ATP7B: variants seen among roughly 807,000 people sequenced by gnomAD.
The protein encoded by ATP7B is copper-transporting ATPase 2.
A neutral mutation model predicts 118.9 loss-of-function variants in ATP7B; 113 were observed. The observed-to-expected ratio is 0.95, with a 90% CI of 0.82 to 1.11. ATP7B has a LOEUF of 1.11. Ranked by LOEUF, ATP7B falls within the 50% of genes most tolerant of loss-of-function variation. ATP7B has a pLI of 0.00. For synonymous variants in ATP7B, 777 were observed against 727.4 expected (o/e 1.07, Z -1.10); for missense variants, 1,867 against 1,871.4 (o/e 1.00, Z 0.04).
chr13:51,993,220 C>T (rs963344533), intron 1 of ATP7B, among the ~76,000 whole-genome samples: 2 of 151,924 alleles, frequency 1.3e-5, no homozygotes, highest in Non-Finnish European at 2.9e-5. Context: ...CTCGTTCCAT[C>T]GTAAATTTGT....
upstream of ATP7B, among the ~76,000 whole-genome samples, chr13:52,011,855 G>T (rs533775697): frequency 2.6e-4 from 39 of 152,372 alleles, 1 homozygote; most frequent in South Asian, 7.4e-3. Context: ...GCGCAGAGCC[G>T]GGCCGCAGAC....
intron 1 of ATP7B, among the ~76,000 whole-genome samples, chr13:52,008,042 T>C (rs562534804): frequency 5.3e-4 from 81 of 151,736 alleles, no homozygotes; most frequent in South Asian, 5.2e-3. Context: ...ATCCACTGCA[T>C]TGGTTAAAAA....
At chr13:51,956,853 T>C (rs9526812) in intron 9 of ATP7B, among the ~76,000 whole-genome samples, 55,291 of 151,922 alleles carry the variant, frequency 0.36, 11,547 homozygotes, top group Non-Finnish European at 0.48. Context: ...GTTAAGAAAA[T>C]AGACTCTGGA....
chr13:51,989,088 G>A (rs542288988), intron 1 of ATP7B, among the ~76,000 whole-genome samples: 1 of 152,042 alleles, frequency 6.6e-6, no homozygotes, highest in East Asian at 1.9e-4. Flanking sequence ...ATACATGTTT[G>A]AAAACAAATG....
chr13:51,967,184 A>G (rs963340932), intron 4 of ATP7B: 6 of 1,471,046 alleles, frequency 4.1e-6, no homozygotes, highest in Non-Finnish European at 5.6e-6. Context: ...GAGTTAACTA[A>G]GAGAATGACC....
In ATP7B at chr13:51,958,460, C is replaced by T; in HGVS notation, c.2206G>A (p.Ala736Thr). Residue 736 changes from alanine (A) to threonine (T), a missense_variant, in exon 8 of 21, where the codon GCC becomes ACC. By Grantham distance (58) the Ala-to-Thr change is moderately conservative. Transcript: ENST00000242839. ...GAATAAACATAAGCAATGCTTGTGG[C>T]CAGGACGATGAGCACGTCCATGTTG... The part of the protein sequence containing the change: ...SANMDVLIVL[A>T]TSIAYVYSLV... 6.2e-7 allele frequency: 1 copy of T among 1,614,222 alleles called. No individual in the cohort carries two copies.
rs200582826 is a variant in ATP7B at position 51,935,679 on chromosome 13, G to A, written c.4038C>T (p.Ile1346=). ...CCATCCAGGGCTGCAGCACAATGCCGATGGGCATGAAGACACCTGGGGAAG... is the reference window on the plus strand; with the variant it reads ...CCATCCAGGGCTGCAGCACAATGCCAATGGGCATGAAGACACCTGGGGAAG... ...IPIAAGVFMP[I]GIVLQPWMGS... The change falls in exon 20 of 21, where the codon ATC becomes ATT. Residue 1346 remains isoleucine (I), a synonymous_variant. Transcript: ENST00000242839. 26 of 1,612,832 alleles carry A rather than the reference G, an allele frequency of 1.6e-5. No individual in the cohort carries two copies. The highest frequency in any genetic ancestry group is 2.2e-5 in the East Asian group (1 of 44,856).
chr13:51,977,365 GT>G (rs1952176953), intron 1 of ATP7B, among the ~76,000 whole-genome samples: 1 of 151,132 alleles, frequency 6.6e-6, no homozygotes, highest in Admixed American at 6.6e-5. Flanking sequence ...TTTTTAAACT[GT>G]TTAAGCATTT....
At position 51,974,944 on chromosome 13, in the gene ATP7B, GGAAA is replaced by G. The variant is rs1474846245; in HGVS notation, c.272_275del (p.Val91AlafsTer9). The G allele has an allele frequency of 6.2e-7, 1 of 1,614,158 alleles. No individual in the cohort carries two copies. The highest frequency in any genetic ancestry group is 1.1e-5 in the South Asian group (1 of 91,076). On this transcript the variant is annotated frameshift_variant, in exon 2 of 21. Coordinates refer to ENST00000242839, the MANE Select transcript of ATP7B (RefSeq NM_000053.4). LOFTEE classifies it high-confidence loss of function. ...TCACAGTGGCACTGCCTTGTTCCAG[GGAAA>G]CCTTCATGCTGATGATGCCTTTCAA...
At position 51,958,541 on chromosome 13, in the gene ATP7B, G is replaced by A. The variant is rs769864947; in HGVS notation, c.2125C>T (p.Leu709Phe). Residue 709 changes from leucine to phenylalanine, a missense_variant, in exon 8 of 21, where the codon CTC (leucine) becomes TTC (phenylalanine). Coordinates refer to ENST00000242839, the MANE Select transcript of ATP7B (RefSeq NM_000053.4). Reference protein sequence around the residue: ...FFILCTFVQLLGGWYFYVQAY... With the variant: ...FFILCTFVQLFGGWYFYVQAY... ...TGAACGTAGAAGTACCACCCACCGA[G>A]GAGCTGAAAGACAAGGACAGTGAAG... is the stretch of plus-strand genomic sequence containing the variant. The A allele has an allele frequency of 3.7e-5, 60 of 1,613,848 alleles. 1 individual carries two copies. In the South Asian group the frequency reaches 6.4e-4, roughly 17 times the overall value.
At chr13:51,967,937 T>C (rs1188855681) in intron 4 of ATP7B, among the ~76,000 whole-genome samples, 1 of 152,214 alleles carries the variant, frequency 6.6e-6, no homozygotes. Context: ...AATCACTACC[T>C]GGAGCATTCC....
At chr13:51,949,510 C>A in intron 12 of ATP7B, 152 bp downstream of exon 12, 1 of 1,088,986 alleles carries the variant, frequency 9.2e-7, no homozygotes, top group East Asian at 2.5e-5. Flanking sequence ...TTATCCTACT[C>A]TGGCTTAGAT....
chr13:52,009,330 A>C (rs1479185201), intron 1 of ATP7B, among the ~76,000 whole-genome samples: 1 of 152,136 alleles, frequency 6.6e-6, no homozygotes, highest in Non-Finnish European at 1.5e-5. Flanking sequence ...CCTTGTCTGG[A>C]TCTGGGTGAG....
At position 51,968,777 on chromosome 13, in the gene ATP7B, C is replaced by T. The variant is rs117047606; in HGVS notation, c.1544-170G>A. ...ACATGAGGCTTGCTTGGAAAGCCTTCGACAATCACGATGTCTGGTCTCTTA... is the reference window on the plus strand; with the variant it reads ...ACATGAGGCTTGCTTGGAAAGCCTTTGACAATCACGATGTCTGGTCTCTTA... On this transcript the variant is annotated intron_variant, in intron 3 of 20. Coordinates refer to ENST00000242839, the MANE Select transcript of ATP7B (RefSeq NM_000053.4). 9.2e-5 allele frequency among the ~76,000 whole-genome samples: 14 copies of T among 152,172 alleles called. No individual in the cohort carries two copies. In the East Asian group the frequency reaches 2.7e-3, roughly 29 times the overall value.
intron 1 of ATP7B, among the ~76,000 whole-genome samples, chr13:51,994,863 A>G (rs1953121871): frequency 6.6e-6 from 1 of 152,202 alleles, no homozygotes; most frequent in Non-Finnish European, 1.5e-5. Flanking sequence ...AAAAGGCACC[A>G]TTTTTACAAA....
At chr13:51,949,041 G>A (rs1957830886) in intron 12 of ATP7B, among the ~76,000 whole-genome samples, 1 of 152,122 alleles carries the variant, frequency 6.6e-6, no homozygotes, top group Admixed American at 6.5e-5. Flanking sequence ...TTAGCTGGGT[G>A]TGGTGGCGTG....
intron 17 of ATP7B, among the ~76,000 whole-genome samples, chr13:51,938,834 A>T (rs1957134146): frequency 6.6e-6 from 1 of 152,102 alleles, no homozygotes; most frequent in Admixed American, 6.5e-5. Context: ...TTTTTCCAGG[A>T]TGCATGCGCC....
At chr13:52,010,921 G>A (rs1953996401) in intron 1 of ATP7B, among the ~76,000 whole-genome samples, 1 of 152,192 alleles carries the variant, frequency 6.6e-6, no homozygotes, top group Non-Finnish European at 1.5e-5. Flanking sequence ...CCAGGACCTC[G>A]ATATACCATA....
At chr13:51,989,531 TAA>T (rs560044192) in intron 1 of ATP7B, among the ~76,000 whole-genome samples, 1 of 139,826 alleles carries the variant, frequency 7.2e-6, no homozygotes, top group Non-Finnish European at 1.6e-5. Flanking sequence ...GACACTTGCC[TAA>T]AAAAAAAAAA....
Sources: gnomAD v4.1 joint callset for allele counts (sites outside exome capture counted in the v4.1 genomes callset) on GRCh38, gnomAD v4.1.1 for gene constraint, MANE v1.5 for transcripts, NCBI Gene and HGNC (gene_info 2026-07-23, HGNC 2026-07-21) for gene names.